NAV2: variants seen among roughly 807,000 people sequenced by gnomAD.
The protein encoded by NAV2 is neuron navigator 2.
Under a neutral mutation model 223.2 loss-of-function variants are expected in NAV2, and 54 were observed. That is an observed-to-expected ratio of 0.24 (90% confidence interval 0.19 to 0.30). NAV2 has a LOEUF of 0.30. NAV2 is among the 10% of genes least tolerant of loss of function. The probability of loss-of-function intolerance (pLI) is 1.00; values close to 1 mark genes in which losing one functional copy is unlikely to be tolerated. For synonymous variants in NAV2, 1,279 were observed against 1,239.3 expected (o/e 1.03, Z -0.67); for missense variants, 2,806 against 3,147.5 (o/e 0.89, Z 2.60).
At chr11:19,469,680 A>G (rs2041901071) in intron 1 of NAV2, among the ~76,000 whole-genome samples, 1 of 152,166 alleles carries the variant, frequency 6.6e-6, no homozygotes, top group Non-Finnish European at 1.5e-5. Context: ...GCGCAGGCAA[A>G]AAGAAGGAAA....
intron 1 of NAV2, among the ~76,000 whole-genome samples, chr11:19,784,839 G>T (rs1039119029): frequency 6.6e-6 from 1 of 152,120 alleles, no homozygotes; most frequent in Non-Finnish European, 1.5e-5. Flanking sequence ...AACGCAAAGC[G>T]CTCAGTACAG....
chr11:19,938,282 G>A (rs2046091212), intron 7 of NAV2, among the ~76,000 whole-genome samples: 1 of 152,152 alleles, frequency 6.6e-6, no homozygotes, highest in African/African-American at 2.4e-5. Flanking sequence ...ATCGTGTGGG[G>A]AGTAGACCAA....
At chr11:19,496,555 A>G (rs916867018) in intron 1 of NAV2, among the ~76,000 whole-genome samples, 1 of 152,236 alleles carries the variant, frequency 6.6e-6, no homozygotes, top group Non-Finnish European at 1.5e-5. Flanking sequence ...ATGTGCTTCA[A>G]GAAAGAACAA....
At position 20,107,755 on chromosome 11, in the gene NAV2, C is replaced by G; in HGVS notation, c.6933C>G (p.Leu2311=). The G allele has an allele frequency of 3.1e-6, 5 of 1,614,082 alleles. No individual in the cohort carries two copies. The South Asian group carries it at 4.4e-5, about 14-fold the overall frequency. The part of the protein sequence containing the change: ...DLWNYSIIPY[L]LEAVREGLQL... ...GGAACTATTCCATTATCCCCTATCT[C>G]CTGGAAGCCGTCAGAGAAGGACTCC... The change falls in exon 36 of 38, where the codon CTC becomes CTG. Residue 2311 remains leucine (L), a synonymous_variant. Transcript: ENST00000349880.
intron 25 of NAV2, among the ~76,000 whole-genome samples, chr11:20,081,476 A>G (rs954923659): frequency 2.6e-5 from 4 of 152,206 alleles, no homozygotes; most frequent in Non-Finnish European, 5.9e-5. Context: ...GAAGATGGAT[A>G]ATTGGCATCC....
In NAV2 at chr11:19,868,996, A is replaced by T; in HGVS notation, c.510A>T (p.Glu170Asp). The T allele has an allele frequency of 1.9e-6, 3 of 1,613,860 alleles. No homozygotes were observed. The highest frequency in any genetic ancestry group is 1.7e-6 in the Non-Finnish European group (2 of 1,179,864). Reference protein sequence around the residue: ...KGINIQGLSAEEIRNGNLKAI... With the variant: ...KGINIQGLSADEIRNGNLKAI... The stretch of plus-strand genomic sequence containing the variant: ...TAAACATCCAGGGGCTGTCTGCAGA[A>T]GGTGAGTCAGAGCGCTTGTCACGAA... The change falls in exon 4 of 38, where the codon GAA (glutamate) becomes GAT (aspartate). Residue 170 changes from glutamate (E) to aspartate (D), a missense_variant and splice_region_variant. By Grantham distance (45) the Glu-to-Asp change is conservative. Coordinates refer to ENST00000349880, the MANE Select transcript of NAV2 (RefSeq NM_145117.5).
chr11:19,669,504 G>C (rs1217265286), intron 1 of NAV2, among the ~76,000 whole-genome samples: 3 of 152,228 alleles, frequency 2.0e-5, no homozygotes, highest in African/African-American at 4.8e-5. Flanking sequence ...TAAATGAGTT[G>C]GGATGTGTAA....
chr11:19,671,361 T>TA (rs2048567030), intron 1 of NAV2, among the ~76,000 whole-genome samples: 1 of 152,238 alleles, frequency 6.6e-6, no homozygotes, highest in African/African-American at 2.4e-5. Context: ...ATGTAGTTTT[T>TA]ATGTCCTGTC....
intron 3 of NAV2, among the ~76,000 whole-genome samples, chr11:19,843,336 G>C (rs780381904): frequency 2.6e-5 from 4 of 152,206 alleles, no homozygotes; most frequent in Non-Finnish European, 5.9e-5. Context: ...CATGTGGTCA[G>C]ATTGCCTTTA....
intron 10 of NAV2, among the ~76,000 whole-genome samples, chr11:19,975,279 C>T (rs2049614604): frequency 6.6e-6 from 1 of 152,220 alleles, no homozygotes; most frequent in African/African-American, 2.4e-5. Flanking sequence ...GCCCTGCCTG[C>T]GTCCATTTCA....
chr11:19,751,343 C>A (rs1351085996), intron 1 of NAV2, among the ~76,000 whole-genome samples: 1 of 152,148 alleles, frequency 6.6e-6, no homozygotes, highest in Non-Finnish European at 1.5e-5. Flanking sequence ...TACTCTTAGA[C>A]TGGAGATGAT....
At chr11:19,893,168 A>G (rs1004149262) in intron 6 of NAV2, among the ~76,000 whole-genome samples, 3 of 150,574 alleles carry the variant, frequency 2.0e-5, no homozygotes, top group Non-Finnish European at 2.9e-5. Flanking sequence ...TACTATACAC[A>G]GTACTGAGTT....
At chr11:19,528,859 G>A (rs1013618009) in intron 1 of NAV2, among the ~76,000 whole-genome samples, 2 of 149,878 alleles carry the variant, frequency 1.3e-5, no homozygotes, top group Non-Finnish European at 3.0e-5. Flanking sequence ...GAACTCGGGA[G>A]GTGGAGTTTG....
upstream of NAV2, among the ~76,000 whole-genome samples, chr11:19,348,782 GA>G (rs536969487): frequency 1.6e-4 from 24 of 152,298 alleles, no homozygotes; most frequent in Middle Eastern, 3.4e-3. Context: ...TTATAGATGA[GA>G]AAACTGAGAT....
chr11:20,033,249 A>G (rs534841137), intron 11 of NAV2, among the ~76,000 whole-genome samples: 169 of 152,226 alleles, frequency 1.1e-3, no homozygotes, highest in Non-Finnish European at 2.1e-3. Context: ...ACCTATAACA[A>G]TATATTTAAA....
chr11:19,688,132 A>G (rs997210687), intron 1 of NAV2, among the ~76,000 whole-genome samples: 1 of 152,228 alleles, frequency 6.6e-6, no homozygotes, highest in East Asian at 1.9e-4. Context: ...GAGTTGGCTC[A>G]TTATCAAGCT....
At chr11:20,117,824 T>C (rs986026661) in intron 37 of NAV2, among the ~76,000 whole-genome samples, 1 of 152,224 alleles carries the variant, frequency 6.6e-6, no homozygotes, top group African/African-American at 2.4e-5. Flanking sequence ...TTGTTTTCAG[T>C]GCTCTACGTA....
chr11:19,741,506 T>C (rs1193758742), intron 1 of NAV2, among the ~76,000 whole-genome samples: 3 of 150,214 alleles, frequency 2.0e-5, no homozygotes, highest in Non-Finnish European at 4.4e-5. Context: ...TCTTTTTTTT[T>C]TTTTTTTAAA....
chr11:19,370,105 T>A (rs1848422252), intron 1 of NAV2, among the ~76,000 whole-genome samples: 1 of 152,230 alleles, frequency 6.6e-6, no homozygotes. Flanking sequence ...AGCCATCGAT[T>A]TCCCCTTCTC....
Sources: gnomAD v4.1 joint callset for allele counts (sites outside exome capture counted in the v4.1 genomes callset) on GRCh38, gnomAD v4.1.1 for gene constraint, MANE v1.5 for transcripts, NCBI Gene and HGNC (gene_info 2026-07-23, HGNC 2026-07-21) for gene names.